FHIT: variants seen among roughly 807,000 people sequenced by gnomAD.
The protein encoded by FHIT is bis(5'-adenosyl)-triphosphatase.
In FHIT, 19 loss-of-function variants were observed where a neutral mutation model predicts 17.9. The ratio of observed to expected loss-of-function variants is 1.06; its 90% confidence interval spans 0.74 to 1.56. The LOEUF is 1.56. FHIT is among the 40% of genes most tolerant of loss of function. The pLI is 0.00. For synonymous variants in FHIT, 81 were observed against 69.7 expected (o/e 1.16, Z -0.81); for missense variants, 248 against 189.2 (o/e 1.31, Z -1.82).
rs1290140710 is a variant in FHIT, at chr3:60,130,872, C to T, written c.104-116720G>A. The stretch of plus-strand genomic sequence containing the variant: ...ACATGTGTATACATGTATATAGACA[C>T]GTATACATGTATATACACACATACA... On this transcript the variant is annotated intron_variant, in intron 5 of 9. Coordinates refer to ENST00000492590, the MANE Select transcript of FHIT (RefSeq NM_002012.4). Among the ~76,000 whole-genome samples, 10 of 133,064 alleles carry T rather than the reference C, an allele frequency of 7.5e-5. No individual in the cohort carries two copies. In the South Asian group the frequency reaches 1.1e-3, roughly 14 times the overall value. The allele number at this position is 133,064 out of a possible 152,430, so 87.3% of individuals were successfully genotyped here. A position where few individuals can be genotyped will look rare whatever the true frequency, so the allele number is the denominator to read the frequency against.
intron 4 of FHIT, among the ~76,000 whole-genome samples, chr3:60,606,837 T>C (rs893867644): frequency 1.2e-4 from 19 of 152,298 alleles, no homozygotes; most frequent in African/African-American, 4.6e-4. Context: ...TTTCTAAGCC[T>C]AGTCCCTCCT....
chr3:60,948,612 A>G (rs1303603228), intron 3 of FHIT, among the ~76,000 whole-genome samples: 1 of 152,216 alleles, frequency 6.6e-6, no homozygotes, highest in East Asian at 1.9e-4. Context: ...GATTGCTTAA[A>G]GTCCATCTCA....
intron 3 of FHIT, among the ~76,000 whole-genome samples, chr3:60,923,838 G>A (rs1174219444): frequency 6.6e-6 from 1 of 152,162 alleles, no homozygotes; most frequent in African/African-American, 2.4e-5. Flanking sequence ...ACGGCACCTG[G>A]AAAATCGGGT....
At chr3:60,350,661 G>T (rs1413184643) in intron 5 of FHIT, among the ~76,000 whole-genome samples, 1 of 151,976 alleles carries the variant, frequency 6.6e-6, no homozygotes, top group African/African-American at 2.4e-5. Flanking sequence ...GCTACTTAAA[G>T]TATGGCTATG....
At chr3:60,971,520 A>G (rs1023379533) in intron 3 of FHIT, among the ~76,000 whole-genome samples, 12 of 136,520 alleles carry the variant, frequency 8.8e-5, no homozygotes, top group African/African-American at 3.1e-4. Context: ...TTCTCCCTCA[A>G]TCTTTTTTTT....
intron 3 of FHIT, among the ~76,000 whole-genome samples, chr3:60,943,146 T>G (rs1708491451): frequency 6.6e-6 from 1 of 152,188 alleles, no homozygotes; most frequent in Non-Finnish European, 1.5e-5. Flanking sequence ...TTAAATATTC[T>G]TTATCTTTTC....
At chr3:60,368,196 A>T (rs944618893) in intron 5 of FHIT, among the ~76,000 whole-genome samples, 68 of 138,954 alleles carry the variant, frequency 4.9e-4, no homozygotes, top group Middle Eastern at 3.8e-3. Context: ...ATATCTTTTT[A>T]AAAAAAAAAA....
At chr3:61,170,373 T>G (rs2037967158) in intron 2 of FHIT, among the ~76,000 whole-genome samples, 1 of 152,232 alleles carries the variant, frequency 6.6e-6, no homozygotes, top group Admixed American at 6.5e-5. Flanking sequence ...TCTGTAATCT[T>G]TATTTTAACC....
chr3:60,146,134 G>C (rs1700227646), intron 5 of FHIT, among the ~76,000 whole-genome samples: 1 of 151,964 alleles, frequency 6.6e-6, no homozygotes, highest in Admixed American at 6.6e-5. Flanking sequence ...AAGTCAAACT[G>C]AAGGAGAGGA....
At chr3:60,495,612 A>C (rs1396193762) in intron 5 of FHIT, among the ~76,000 whole-genome samples, 1 of 152,186 alleles carries the variant, frequency 6.6e-6, no homozygotes, top group Non-Finnish European at 1.5e-5. Flanking sequence ...CATTGTGTTC[A>C]TAACTGGGGA....
intron 5 of FHIT, among the ~76,000 whole-genome samples, chr3:60,326,068 AC>A (rs1180930786): frequency 6.6e-6 from 1 of 151,694 alleles, no homozygotes; most frequent in African/African-American, 2.4e-5. Context: ...AACATCCTAA[AC>A]CAGCAGTCAG....
chr3:60,456,924 TA>T (rs554959186), intron 5 of FHIT, among the ~76,000 whole-genome samples: 1 of 152,002 alleles, frequency 6.6e-6, no homozygotes, highest in East Asian at 1.9e-4. Context: ...CTCAATGAAA[TA>T]AAAGAGGATA....
At chr3:60,473,338 T>A (rs2033183590) in intron 5 of FHIT, among the ~76,000 whole-genome samples, 1 of 152,120 alleles carries the variant, frequency 6.6e-6, no homozygotes, top group Non-Finnish European at 1.5e-5. Flanking sequence ...TGAGGGGAGC[T>A]GGAGGTGGGG....
intron 5 of FHIT, among the ~76,000 whole-genome samples, chr3:60,368,303 C>T (rs1230981301): frequency 6.6e-6 from 1 of 151,292 alleles, no homozygotes; most frequent in Admixed American, 6.6e-5. Context: ...TCATCTTATT[C>T]ACTGGATGTT....
chr3:60,223,509 T>C (rs550927429), intron 5 of FHIT, among the ~76,000 whole-genome samples: 1 of 152,052 alleles, frequency 6.6e-6, no homozygotes, highest in African/African-American at 2.4e-5. Context: ...TATTTACTAA[T>C]CTAAAAACTG....
intron 7 of FHIT, among the ~76,000 whole-genome samples, chr3:60,002,956 A>T (rs974744946): frequency 6.6e-5 from 10 of 152,178 alleles, no homozygotes; most frequent in African/African-American, 2.4e-4. Flanking sequence ...AAGCTACTTC[A>T]TGGGCCCCAC....
intron 4 of FHIT, among the ~76,000 whole-genome samples, chr3:60,565,051 CA>C (rs1163693092): frequency 6.6e-6 from 1 of 152,138 alleles, no homozygotes. Context: ...CCACCATGAT[CA>C]GTCAGCAGCC....
chr3:60,947,825 C>G (rs771988156), intron 3 of FHIT, among the ~76,000 whole-genome samples: 2 of 152,026 alleles, frequency 1.3e-5, no homozygotes, highest in African/African-American at 4.8e-5. Context: ...AGGGGATAGG[C>G]GAAGTCCAGA....
chr3:61,044,532 G>A (rs1443142381), intron 2 of FHIT, among the ~76,000 whole-genome samples: 1 of 152,026 alleles, frequency 6.6e-6, no homozygotes, highest in Non-Finnish European at 1.5e-5. Context: ...GTGATGAGGA[G>A]AATGGAACCA....
Sources: gnomAD v4.1 joint callset for allele counts (sites outside exome capture counted in the v4.1 genomes callset) on GRCh38, gnomAD v4.1.1 for gene constraint, MANE v1.5 for transcripts, NCBI Gene and HGNC (gene_info 2026-07-23, HGNC 2026-07-21) for gene names.